CCPG1: variants seen among roughly 807,000 people sequenced by gnomAD.
CCPG1 encodes cell cycle progression protein 1.
In CCPG1, 46 loss-of-function variants were observed where a neutral mutation model predicts 81.3. The observed-to-expected ratio is 0.57, with a 90% CI of 0.45 to 0.72. The LOEUF (loss-of-function observed/expected upper bound fraction) is 0.72. CCPG1 is among the 30% of genes least tolerant of loss of function. CCPG1 has a pLI of 0.00. For synonymous variants in CCPG1, 330 were observed against 305.2 expected (o/e 1.08, Z -0.85); for missense variants, 902 against 937.6 (o/e 0.96, Z 0.50).
intron 1 of CCPG1, among the ~76,000 whole-genome samples, chr15:55,406,544 C>G (rs892396781): frequency 8.7e-5 from 13 of 149,904 alleles, no homozygotes; most frequent in African/African-American, 3.2e-4. Context: ...ACCTCCGCCT[C>G]CCGGGTTCAA....
At chr15:55,390,989 G>A (rs79611196) in intron 1 of CCPG1, among the ~76,000 whole-genome samples, 17,482 of 151,982 alleles carry the variant, frequency 0.12, 1,507 homozygotes, top group African/African-American at 0.23. Context: ...AAACTACTAC[G>A]GTAAAATAAA....
rs143238270 is a variant in CCPG1 at position 55,406,436 on chromosome 15, C to CTTTTTTTTTTTTTTTTTT, written c.-10+1784_-10+1785insAAAAAAAAAAAAAAAAAA. Among the ~76,000 whole-genome samples the CTTTTTTTTTTTTTTTTTT allele has an allele frequency of 3.2e-4, 41 of 126,254 alleles. 1 individual carries two copies. The highest frequency in any genetic ancestry group is 4.5e-4 in the Non-Finnish European group (28 of 61,612). The allele number at this position is 126,254 out of a possible 152,430, so 82.8% of individuals were successfully genotyped here. A position where few individuals can be genotyped will look rare whatever the true frequency, so the allele number is the denominator to read the frequency against. ...CTTTATTTCTTTTCTTTCTTTTTCTCTTTTTTTTTTTTTGTTTTTTTTTTT... is the reference window on the plus strand; with the variant it reads ...CTTTATTTCTTTTCTTTCTTTTTCTCTTTTTTTTTTTTTTTTTTTTTTTTTTTTTTTGTTTTTTTTTTT... On this transcript the variant is annotated intron_variant, in intron 1 of 8. Transcript: ENST00000442196.
At chr15:55,370,885 GA>G (rs1210551702) in intron 6 of CCPG1, among the ~76,000 whole-genome samples, 8,308 of 94,602 alleles carry the variant, frequency 0.088, 266 homozygotes, top group Non-Finnish European at 0.097. Context: ...CAAAAAAAAA[GA>G]AAAAAAAAAA....
chr15:55,363,840 G>A lies in CCPG1; in HGVS notation c.828+1348C>T, dbSNP rs931942671. Among the ~76,000 whole-genome samples the A allele has an allele frequency of 5.6e-5, 6 of 107,394 alleles. 1 individual carries two copies. The highest frequency in any genetic ancestry group is 2.2e-4 in the African/African-American group (6 of 26,746). The allele number at this position is 107,394 out of a possible 152,430, so 70.5% of individuals were successfully genotyped here. ...TTTTTTTTTGAGACAGTCTTCCTCTGTGGCCCAGGCCGGAGTGCAATAGTG... is the reference window on the plus strand; with the variant it reads ...TTTTTTTTTGAGACAGTCTTCCTCTATGGCCCAGGCCGGAGTGCAATAGTG... On this transcript the variant is annotated intron_variant, in intron 7 of 8. Coordinates refer to ENST00000442196, the MANE Select transcript of CCPG1 (RefSeq NM_001204450.2).
At position 55,402,271 on chromosome 15, in the gene CCPG1, AGGCGGGAGTACAGT is replaced by A. The variant is rs553254803; in HGVS notation, c.-10+5936_-10+5949del. ...CAGGATCTCGCTCTGTCACTCACCC[AGGCGGGAGTACAGT>A]GGCACCATCACAGCTCACTGTAACC... On this transcript the variant is annotated intron_variant, in intron 1 of 8. Coordinates refer to ENST00000442196, the MANE Select transcript of CCPG1 (RefSeq NM_001204450.2). Among the ~76,000 whole-genome samples, 11 of 152,326 alleles carry A rather than the reference AGGCGGGAGTACAGT, an allele frequency of 7.2e-5. 1 individual carries two copies. The South Asian group carries it at 2.1e-3, about 29-fold the overall frequency.
chr15:55,406,601 A>C (rs1456658498), intron 1 of CCPG1, among the ~76,000 whole-genome samples: 1 of 151,154 alleles, frequency 6.6e-6, no homozygotes, highest in Non-Finnish European at 1.5e-5. Flanking sequence ...TTACAGGCTA[A>C]TTTTTGTATT....
chr15:55,389,068 CAAAAA>C (rs373917631), intron 2 of CCPG1, among the ~76,000 whole-genome samples: 8 of 56,298 alleles, frequency 1.4e-4, no homozygotes, highest in Middle Eastern at 0.012. Flanking sequence ...GACTCTGTCT[CAAAAA>C]AAAAAAAAAA....
chr15:55,374,045 T>C (rs921359125), intron 5 of CCPG1: 2 of 470,994 alleles, frequency 4.2e-6, no homozygotes, highest in Non-Finnish European at 3.6e-6. Flanking sequence ...TCTGAACACC[T>C]GTTTAGAGTA....
intron 5 of CCPG1, among the ~76,000 whole-genome samples, chr15:55,373,297 TA>T (rs2056493022): frequency 6.6e-6 from 1 of 152,154 alleles, no homozygotes; most frequent in Non-Finnish European, 1.5e-5. Flanking sequence ...AAAATAAGGA[TA>T]AAATATGAAC....
chr15:55,388,814 T>C (rs2056855030), intron 2 of CCPG1, among the ~76,000 whole-genome samples: 1 of 149,688 alleles, frequency 6.7e-6, no homozygotes, highest in Non-Finnish European at 1.5e-5. Context: ...CTCACATCTG[T>C]AAGCCCAGCA....
At chr15:55,386,598 T>C (rs1349723541) in intron 2 of CCPG1, among the ~76,000 whole-genome samples, 1 of 151,794 alleles carries the variant, frequency 6.6e-6, no homozygotes, top group African/African-American at 2.4e-5. Context: ...ATTAAAAGAA[T>C]TCATGAAAAA....
intron 8 of CCPG1, chr15:55,358,290 A>C (rs1410186397): frequency 1.3e-6 from 1 of 767,262 alleles, no homozygotes; most frequent in African/African-American, 1.9e-5. Flanking sequence ...GTATATATAG[A>C]ATTATGTTCT....
chr15:55,400,738 T>C (rs2057113408), intron 1 of CCPG1, among the ~76,000 whole-genome samples: 1 of 152,240 alleles, frequency 6.6e-6, no homozygotes, highest in Non-Finnish European at 1.5e-5. Context: ...AATAAATTCC[T>C]TAATCTGCAC....
chr15:55,401,142 G>C (rs891010166), intron 1 of CCPG1, among the ~76,000 whole-genome samples: 2 of 151,354 alleles, frequency 1.3e-5, no homozygotes, highest in African/African-American at 2.4e-5. Flanking sequence ...TTTTTCTTTT[G>C]GTGTGAAGTG....
rs1555409791 is a variant in CCPG1, at chr15:55,391,895, G to GGC, written c.-9-2463_-9-2462insGC. 2.1e-4 allele frequency among the ~76,000 whole-genome samples: 26 copies of GGC among 121,144 alleles called. 3 individuals carry two copies. The highest frequency in any genetic ancestry group is 9.0e-4 in the East Asian group (3 of 3,334). 79.5% of individuals were successfully genotyped at this position (121,144 alleles called of 152,430 possible). On this transcript the variant is annotated intron_variant, in intron 1 of 8. Transcript: ENST00000442196. Reference sequence around the variant, plus strand: ...TTTAAAAAAAAAAAAAAAGGGGGGGGGGGGCTAGGTGTGGTAGCTCACGTC... The same window carrying GGC: ...TTTAAAAAAAAAAAAAAAGGGGGGGGGCGGGGCTAGGTGTGGTAGCTCACGTC...
intron 2 of CCPG1, 42 bp downstream of exon 2, chr15:55,389,323 T>G: frequency 7.5e-7 from 1 of 1,341,052 alleles, no homozygotes; most frequent in Non-Finnish European, 1.1e-6. Context: ...CTGGTAACAT[T>G]AATATTACAA....
chr15:55,382,205 T>C (rs1371144618), intron 3 of CCPG1, among the ~76,000 whole-genome samples: 5 of 152,036 alleles, frequency 3.3e-5, no homozygotes, highest in South Asian at 4.2e-4. Flanking sequence ...CCCACATGGA[T>C]TGACTCTCCT....
chr15:55,364,730 G>A (rs1174668124), intron 7 of CCPG1, among the ~76,000 whole-genome samples: 2 of 150,416 alleles, frequency 1.3e-5, no homozygotes, highest in South Asian at 2.2e-4. Flanking sequence ...AAAATTTGCC[G>A]GGCATAGAGG....
At chr15:55,398,188 A>C (rs894612568) in intron 1 of CCPG1, 10 of 152,180 alleles carry the variant, frequency 6.6e-5, no homozygotes, top group African/African-American at 2.2e-4. Context: ...TATCAATTTT[A>C]CCTCATAAAA....
Sources: allele counts gnomAD v4.1 joint callset (sites outside exome capture counted in the v4.1 genomes callset), GRCh38; gene constraint gnomAD v4.1.1; transcripts MANE v1.5; gene names NCBI Gene and HGNC (gene_info 2026-07-23, HGNC 2026-07-21).